CSNK1G1: variants seen among roughly 807,000 people sequenced by gnomAD.
CSNK1G1 encodes the protein casein kinase I isoform gamma-1.
A neutral mutation model predicts 59.6 loss-of-function variants in CSNK1G1; 22 were observed. That is an observed-to-expected ratio of 0.37 (90% CI 0.26 to 0.53). The LOEUF is 0.53. CSNK1G1 is among the 20% of genes least tolerant of loss of function. The pLI is 0.89. For synonymous variants in CSNK1G1, 179 were observed against 177.1 expected (o/e 1.01, Z -0.08); for missense variants, 384 against 519.5 (o/e 0.74, Z 2.54).
chr15:64,311,807 G>A (rs1412946442), intron 1 of CSNK1G1, among the ~76,000 whole-genome samples: 2 of 152,056 alleles, frequency 1.3e-5, no homozygotes, highest in Non-Finnish European at 2.9e-5. Flanking sequence ...TTGAACCTGG[G>A]AGGTGGTGCT....
intron 1 of CSNK1G1, among the ~76,000 whole-genome samples, chr15:64,308,580 G>C (rs1895816209): frequency 6.6e-6 from 1 of 151,982 alleles, no homozygotes. Context: ...GCCTCTTCCA[G>C]TCTTCCGACT....
chr15:64,175,659 G>A (rs1202870581), intron 11 of CSNK1G1, among the ~76,000 whole-genome samples: 1 of 151,544 alleles, frequency 6.6e-6, no homozygotes, highest in African/African-American at 2.4e-5. Flanking sequence ...TCTCACATAG[G>A]AATAAAGAAA....
intron 1 of CSNK1G1, among the ~76,000 whole-genome samples, chr15:64,318,718 C>G (rs1268610988): frequency 6.6e-6 from 1 of 151,704 alleles, no homozygotes; most frequent in Non-Finnish European, 1.5e-5. Context: ...TCAAGCAATT[C>G]TCCTGCCTCA....
At chr15:64,213,391 T>G (rs998966021) in intron 6 of CSNK1G1, among the ~76,000 whole-genome samples, 1 of 152,212 alleles carries the variant, frequency 6.6e-6, no homozygotes, top group Non-Finnish European at 1.5e-5. Context: ...TTGTTTATCC[T>G]GAGTAAATTG....
intron 4 of CSNK1G1, among the ~76,000 whole-genome samples, chr15:64,225,632 T>C (rs1010535966): frequency 3.9e-5 from 6 of 152,110 alleles, no homozygotes; most frequent in African/African-American, 1.4e-4. Flanking sequence ...CATGATCTTT[T>C]GTTGTTGTTG....
chr15:64,244,735 C>T (rs1010078534), intron 4 of CSNK1G1, among the ~76,000 whole-genome samples: 7 of 151,650 alleles, frequency 4.6e-5, no homozygotes, highest in African/African-American at 1.7e-4. Context: ...ATTAGCAGGG[C>T]GTGGTGAGGG....
intron 1 of CSNK1G1, among the ~76,000 whole-genome samples, chr15:64,309,904 A>G (rs1895899903): frequency 6.6e-6 from 1 of 152,040 alleles, no homozygotes; most frequent in Non-Finnish European, 1.5e-5. Flanking sequence ...GAGCCGAAGA[A>G]TTCAATACCA....
At chr15:64,251,360 C>T (rs1244360146) in intron 4 of CSNK1G1, 152 bp downstream of exon 4, 1 of 565,992 alleles carries the variant, frequency 1.8e-6, no homozygotes, top group Non-Finnish European at 3.1e-6. Flanking sequence ...GCGCAAGTAG[C>T]TTTGTGGTTG....
At chr15:64,266,132 G>A (rs72756969) in intron 2 of CSNK1G1, among the ~76,000 whole-genome samples, 6,699 of 151,820 alleles carry the variant, frequency 0.044, 192 homozygotes, top group South Asian at 0.085. Flanking sequence ...ACACGATCTC[G>A]GCTCAATGCA....
intron 1 of CSNK1G1, among the ~76,000 whole-genome samples, chr15:64,323,108 TA>T (rs1415340005): frequency 6.6e-6 from 1 of 151,854 alleles, no homozygotes; most frequent in Non-Finnish European, 1.5e-5. Flanking sequence ...TTTTTCTTTT[TA>T]AAAAATGGAG....
At chr15:64,272,025 T>C (rs1385592195) in intron 2 of CSNK1G1, among the ~76,000 whole-genome samples, 2 of 152,202 alleles carry the variant, frequency 1.3e-5, no homozygotes, top group Non-Finnish European at 1.5e-5. Context: ...TCTTTTTTGA[T>C]TTTTGTTGGT....
rs1227011161 is a variant in CSNK1G1 at position 64,332,131 on chromosome 15, C to T, written c.-225+23857G>A. Among the ~76,000 whole-genome samples, 14 of 120,260 alleles carry T rather than the reference C, an allele frequency of 1.2e-4. No homozygotes were observed. The Admixed American group carries it at 1.3e-3, about 11-fold the overall frequency. 78.9% of individuals were successfully genotyped at this position (120,260 alleles called of 152,430 possible). On this transcript the variant is annotated intron_variant, in intron 1 of 11. Transcript: ENST00000303052. ...GTCAGTGTGGCGATTCCTCAGGGATCTAGAACTAGAAATACCATTTGACCC... is the reference window on the plus strand; with the variant it reads ...GTCAGTGTGGCGATTCCTCAGGGATTTAGAACTAGAAATACCATTTGACCC...
intron 2 of CSNK1G1, among the ~76,000 whole-genome samples, chr15:64,263,977 G>A (rs916720286): frequency 2.6e-5 from 4 of 152,048 alleles, no homozygotes; most frequent in Admixed American, 1.3e-4. Flanking sequence ...GGACAGTAAC[G>A]TTTAATTCAT....
chr15:64,175,831 G>C (rs908010724), intron 11 of CSNK1G1, among the ~76,000 whole-genome samples: 1 of 152,186 alleles, frequency 6.6e-6, no homozygotes. Flanking sequence ...TTCCAGGTTA[G>C]AGACCACATT....
intron 4 of CSNK1G1, among the ~76,000 whole-genome samples, chr15:64,239,826 T>C (rs1278047855): frequency 1.3e-5 from 2 of 152,054 alleles, no homozygotes; most frequent in Admixed American, 1.3e-4. Context: ...TTCCCACAGA[T>C]GAAGAATTCA....
chr15:64,273,091 TTGA>T (rs1893413654), intron 2 of CSNK1G1, among the ~76,000 whole-genome samples: 1 of 152,334 alleles, frequency 6.6e-6, no homozygotes, highest in East Asian at 1.9e-4. Context: ...CAAGAACCTA[TTGA>T]TGAAGTTAAG....
intron 4 of CSNK1G1, among the ~76,000 whole-genome samples, chr15:64,232,038 T>A (rs1567387092): frequency 6.6e-6 from 1 of 152,302 alleles, no homozygotes; most frequent in African/African-American, 2.4e-5. Context: ...GAAAACTTCA[T>A]CTCCTTGCAT....
At chr15:64,302,096 T>C (rs1011956545) in intron 1 of CSNK1G1, among the ~76,000 whole-genome samples, 12 of 152,002 alleles carry the variant, frequency 7.9e-5, no homozygotes, top group African/African-American at 2.9e-4. Context: ...CTGTTTGCTT[T>C]ATTTATTTAT....
intron 10 of CSNK1G1, among the ~76,000 whole-genome samples, chr15:64,192,897 A>G: frequency 6.6e-6 from 1 of 151,676 alleles, no homozygotes; most frequent in East Asian, 1.9e-4. Flanking sequence ...TTCTTCATAA[A>G]AAACTCATTT....
Sources: gnomAD v4.1 joint callset for allele counts (sites outside exome capture counted in the v4.1 genomes callset) on GRCh38, gnomAD v4.1.1 for gene constraint, MANE v1.5 for transcripts, NCBI Gene and HGNC (gene_info 2026-07-23, HGNC 2026-07-21) for gene names.